The following DLG2 variants were observed in gnomAD, a reference collection of about 807,000 sequenced individuals.
DLG2 encodes the protein disks large homolog 2.
Under a neutral mutation model 132.5 loss-of-function variants are expected in DLG2, and 45 were observed. That is an observed-to-expected ratio of 0.34 (90% CI 0.27 to 0.44). The LOEUF (loss-of-function observed/expected upper bound fraction) is 0.44. DLG2 is among the 20% of genes least tolerant of loss of function. The pLI, the probability that DLG2 is intolerant of heterozygous loss-of-function variation, is 1.00. For synonymous variants in DLG2, 424 were observed against 419.6 expected (o/e 1.01, Z -0.13); for missense variants, 1,045 against 1,196.9 (o/e 0.87, Z 1.87).
chr11:84,717,260 C>T (rs1351473900), intron 6 of DLG2, among the ~76,000 whole-genome samples: 2 of 152,040 alleles, frequency 1.3e-5, no homozygotes, highest in East Asian at 3.9e-4. Context: ...AGTAGGTAAT[C>T]TTGAAATGAC....
intron 6 of DLG2, among the ~76,000 whole-genome samples, chr11:84,714,623 T>TTCTCTTTCTCTCTCTCTC (rs2060951658): frequency 9.5e-6 from 1 of 104,994 alleles, no homozygotes; most frequent in African/African-American, 4.3e-5. Flanking sequence ...CTCTTTCTCT[T>TTCTCTTTCTCTCTCTCTC]TCTCTCTCTC....
At chr11:85,194,141 C>T (rs768106788) in intron 4 of DLG2, among the ~76,000 whole-genome samples, 4 of 152,230 alleles carry the variant, frequency 2.6e-5, no homozygotes, top group Admixed American at 6.5e-5. Flanking sequence ...TGCAGTCATG[C>T]AAACTCCTGG....
intron 6 of DLG2, chr11:84,923,557 C>G: frequency 1.0e-6 from 1 of 1,003,296 alleles, no homozygotes; most frequent in Non-Finnish European, 1.2e-6. Flanking sequence ...CTATTAAATA[C>G]TTTACAATGG....
intron 6 of DLG2, among the ~76,000 whole-genome samples, chr11:84,542,906 T>G (rs2099380146): frequency 6.6e-6 from 1 of 152,022 alleles, no homozygotes; most frequent in Admixed American, 6.6e-5. Context: ...CACTTTGACA[T>G]TTACTTTTAG....
chr11:85,499,192 C>A (rs926361304), intron 3 of DLG2, among the ~76,000 whole-genome samples: 1 of 151,308 alleles, frequency 6.6e-6, no homozygotes, highest in Non-Finnish European at 1.5e-5. Context: ...ACAAAATAGA[C>A]CACTAGCAAA....
At chr11:83,606,752 C>T (rs2059395463) in intron 19 of DLG2, among the ~76,000 whole-genome samples, 1 of 151,912 alleles carries the variant, frequency 6.6e-6, no homozygotes, top group Non-Finnish European at 1.5e-5. Context: ...ACATTGAAAC[C>T]CCGTCTCTAC....
intron 26 of DLG2, among the ~76,000 whole-genome samples, chr11:83,464,317 G>C (rs1006591905): frequency 1.3e-5 from 2 of 152,342 alleles, no homozygotes; most frequent in East Asian, 3.9e-4. Context: ...TGATGCACTT[G>C]AGAAATAATG....
At chr11:84,835,786 C>T (rs2079678232) in intron 6 of DLG2, among the ~76,000 whole-genome samples, 2 of 151,718 alleles carry the variant, frequency 1.3e-5, no homozygotes, top group South Asian at 2.1e-4. Context: ...TATTTTAATG[C>T]TATTTAATCA....
intron 4 of DLG2, among the ~76,000 whole-genome samples, chr11:85,171,430 A>G (rs933266183): frequency 2.0e-5 from 3 of 152,158 alleles, no homozygotes; most frequent in Admixed American, 1.3e-4. Context: ...TCGTGAGCCA[A>G]TGCGACCAGG....
intron 7 of DLG2, among the ~76,000 whole-genome samples, chr11:84,503,759 C>G (rs2099229665): frequency 6.6e-6 from 1 of 152,116 alleles, no homozygotes; most frequent in South Asian, 2.1e-4. Context: ...TAATAAAAAC[C>G]CAGACCTACT....
At chr11:83,673,178 T>G (rs1414131514) in intron 18 of DLG2, among the ~76,000 whole-genome samples, 5 of 152,236 alleles carry the variant, frequency 3.3e-5, no homozygotes, top group Admixed American at 6.5e-5. Context: ...GTCCATATAA[T>G]TTTTAGTCAT....
intron 3 of DLG2, among the ~76,000 whole-genome samples, chr11:85,539,976 C>T (rs943459094): frequency 1.3e-5 from 2 of 152,192 alleles, no homozygotes; most frequent in East Asian, 3.9e-4. Context: ...CATCTGCTGT[C>T]TTATCTTCTG....
rs193277981 is a variant in DLG2 at position 84,286,040 on chromosome 11, G to A, written c.520-34749C>T. On this transcript the variant is annotated intron_variant, in intron 7 of 27. Coordinates refer to ENST00000376104, the MANE Select transcript of DLG2 (RefSeq NM_001142699.3). The stretch of plus-strand genomic sequence containing the variant: ...CCCCTGAATCACATCATCAATAAAC[G>A]GTAGACCTAGGAATCCATTAACCTA... 8.5e-5 allele frequency among the ~76,000 whole-genome samples: 13 copies of A among 152,140 alleles called. No homozygotes were observed. In the East Asian group the frequency reaches 2.3e-3, roughly 27 times the overall value.
chr11:84,946,224 C>A (rs1234301607), intron 6 of DLG2, among the ~76,000 whole-genome samples: 1 of 152,130 alleles, frequency 6.6e-6, no homozygotes, highest in East Asian at 1.9e-4. Context: ...CAAGCTGGTA[C>A]CCAAGCTGCA....
In DLG2 at chr11:84,934,530, T is replaced by TTTTTTTTTTTTTTTTTTTTTTTG. The variant is rs2048502670; in HGVS notation, c.357+177130_357+177131insCAAAAAAAAAAAAAAAAAAAAAA. ...TTTTTTTTTTGTTTTGTTTTGTTTTTTTTTTTTTTTTTTTTTGGTGGGTAG... is the reference window on the plus strand; with the variant it reads ...TTTTTTTTTTGTTTTGTTTTGTTTTTTTTTTTTTTTTTTTTTTTTTTTGTTTTTTTTTTTTTTTTGGTGGGTAG... On this transcript the variant is annotated intron_variant, in intron 6 of 27. Coordinates refer to ENST00000376104, the MANE Select transcript of DLG2 (RefSeq NM_001142699.3). Among the ~76,000 whole-genome samples the TTTTTTTTTTTTTTTTTTTTTTTG allele has an allele frequency of 1.5e-5, 2 of 133,842 alleles. 1 individual carries two copies. The highest frequency in any genetic ancestry group is 5.6e-5 in the African/African-American group (2 of 35,654). 87.8% of individuals were successfully genotyped at this position (133,842 alleles called of 152,430 possible).
intron 4 of DLG2, among the ~76,000 whole-genome samples, chr11:85,271,131 G>C (rs1389689081): frequency 6.6e-6 from 1 of 152,174 alleles, no homozygotes; most frequent in East Asian, 1.9e-4. Flanking sequence ...TCCCTCTGCT[G>C]TGTGCAGTCT....
At chr11:85,297,375 A>C (rs1403214116) in intron 3 of DLG2, among the ~76,000 whole-genome samples, 1 of 152,110 alleles carries the variant, frequency 6.6e-6, no homozygotes, top group East Asian at 1.9e-4. Context: ...GTACGACATG[A>C]AGCTTTGTAG....
intron 3 of DLG2, among the ~76,000 whole-genome samples, chr11:85,497,783 T>C (rs1444933571): frequency 6.6e-6 from 1 of 152,182 alleles, no homozygotes; most frequent in Non-Finnish European, 1.5e-5. Context: ...TTCAACATTC[T>C]TAAAGAAAAG....
In DLG2 at chr11:84,109,617, C is replaced by T. The variant is rs138918956; in HGVS notation, c.625-10570G>A. Among the ~76,000 whole-genome samples, 491 of 152,308 alleles carry T rather than the reference C, an allele frequency of 3.2e-3. 3 individuals are homozygous for T. Among genetic ancestry groups the T allele is most frequent in the Middle Eastern group, 6.8e-3 (2 of 294 alleles). The stretch of plus-strand genomic sequence containing the variant: ...CCTGTAACAGTATGTATCCAAAATG[C>T]TACTGGCAGCAAATATGTACTTCTC... On this transcript the variant is annotated intron_variant, in intron 9 of 27. Transcript: ENST00000376104.
Sources: gnomAD v4.1 joint callset for allele counts (sites outside exome capture counted in the v4.1 genomes callset) on GRCh38, gnomAD v4.1.1 for gene constraint, MANE v1.5 for transcripts, NCBI Gene and HGNC (gene_info 2026-07-23, HGNC 2026-07-21) for gene names.